The following HS2ST1 variants were observed in gnomAD, a reference collection of about 807,000 sequenced individuals.
The protein encoded by HS2ST1 is 2-O-sulfotransferase.
A neutral mutation model predicts 42.9 loss-of-function variants in HS2ST1; 18 were observed. The observed-to-expected ratio is 0.42, with a 90% CI of 0.29 to 0.62. The LOEUF is 0.62. HS2ST1 is among the 20% of genes least tolerant of loss of function. The probability of loss-of-function intolerance (pLI) is 0.21; values close to 1 mark genes in which losing one functional copy is unlikely to be tolerated. For synonymous variants in HS2ST1, 146 were observed against 152.9 expected (o/e 0.95, Z 0.33); for missense variants, 334 against 433.8 (o/e 0.77, Z 2.04).
rs773847605 is a variant in HS2ST1, at chr1:87,103,555, G to C, written c.810G>C (p.Arg270=). 1.2e-6 allele frequency: 2 copies of C among 1,611,364 alleles called. No individual in the cohort carries two copies. Among genetic ancestry groups the C allele is most frequent in the South Asian group, 2.2e-5 (2 of 90,412 alleles). Residue 270 remains arginine, a synonymous_variant, in exon 6 of 7, where the codon CGG becomes CGC. Transcript: ENST00000370550. ...TGTTATTGGAGGCAGCATTGCCCCG[G>C]TTTTTCAGGGGTGCTACTGAACTCT... The part of the protein sequence containing the change: ...FIMLLEAALP[R]FFRGATELYR...
chr1:87,101,149 GTTTTTTGTTTTTTTTT>G (rs1282694009), intron 5 of HS2ST1, among the ~76,000 whole-genome samples: 40 of 59,536 alleles, frequency 6.7e-4, no homozygotes, highest in South Asian at 2.2e-3. Flanking sequence ...GTGTGTGTGT[GTTTTTTGTTTTTTTTT>G]TTTTTTTTTT....
At chr1:87,016,331 C>A (rs1649757796) in intron 1 of HS2ST1, among the ~76,000 whole-genome samples, 1 of 152,246 alleles carries the variant, frequency 6.6e-6, no homozygotes, top group African/African-American at 2.4e-5. Flanking sequence ...TCTTCACCTC[C>A]CATTAGAAAC....
At chr1:86,916,660 T>G (rs1306955807) in intron 1 of HS2ST1, among the ~76,000 whole-genome samples, 1 of 152,232 alleles carries the variant, frequency 6.6e-6, no homozygotes, top group African/African-American at 2.4e-5. Flanking sequence ...ATGTCCACTT[T>G]AAATATTGAA....
chr1:86,952,268 C>T (rs185102479), intron 1 of HS2ST1, among the ~76,000 whole-genome samples: 105 of 152,292 alleles, frequency 6.9e-4, no homozygotes, highest in African/African-American at 2.4e-3. Context: ...GATAGAATCT[C>T]GCTGTGTTGC....
At chr1:86,955,853 G>A (rs1283884079) in intron 1 of HS2ST1, among the ~76,000 whole-genome samples, 2 of 152,046 alleles carry the variant, frequency 1.3e-5, no homozygotes, top group East Asian at 3.9e-4. Context: ...GTGCATGGGT[G>A]GTGCACGCCT....
At chr1:87,015,383 C>A (rs1175714575) in intron 1 of HS2ST1, among the ~76,000 whole-genome samples, 1 of 138,832 alleles carries the variant, frequency 7.2e-6, no homozygotes, top group East Asian at 2.1e-4. Context: ...AGTCTCGTTC[C>A]GTGGCCCAGG....
chr1:86,997,851 C>T (rs977486523), intron 1 of HS2ST1, among the ~76,000 whole-genome samples: 1 of 152,154 alleles, frequency 6.6e-6, no homozygotes, highest in Non-Finnish European at 1.5e-5. Context: ...CATCACACTA[C>T]TCAAAATAGT....
chr1:86,958,241 A>C (rs1570445870), intron 1 of HS2ST1, among the ~76,000 whole-genome samples: 1 of 152,160 alleles, frequency 6.6e-6, no homozygotes, highest in Non-Finnish European at 1.5e-5. Context: ...TGACTGGAAG[A>C]CTCACCGATA....
chr1:87,022,626 A>G (rs1649981053), intron 1 of HS2ST1, among the ~76,000 whole-genome samples: 1 of 152,072 alleles, frequency 6.6e-6, no homozygotes, highest in Non-Finnish European at 1.5e-5. Flanking sequence ...TGGGCCCTAG[A>G]AGGGTTGCAC....
chr1:87,084,850 C>G (rs999709613), intron 3 of HS2ST1, among the ~76,000 whole-genome samples: 1 of 151,662 alleles, frequency 6.6e-6, no homozygotes, highest in Admixed American at 6.6e-5. Context: ...CTCACTCACT[C>G]ACTCACTCAC....
chr1:86,972,524 T>C (rs1359028849), intron 1 of HS2ST1, among the ~76,000 whole-genome samples: 1 of 152,178 alleles, frequency 6.6e-6, no homozygotes, highest in East Asian at 1.9e-4. Context: ...TATTTTATTA[T>C]TGTTGCTGTT....
intron 1 of HS2ST1, among the ~76,000 whole-genome samples, chr1:87,057,775 C>T (rs1241184174): frequency 2.0e-5 from 3 of 151,482 alleles, no homozygotes; most frequent in Admixed American, 6.6e-5. Context: ...GGCGTGAACC[C>T]GGGAGGCGGA....
intron 1 of HS2ST1, among the ~76,000 whole-genome samples, chr1:86,962,382 G>T (rs1647873235): frequency 6.6e-6 from 1 of 152,056 alleles, no homozygotes; most frequent in Admixed American, 6.5e-5. Context: ...TTTGTACACG[G>T]ATGATTAAGA....
intron 1 of HS2ST1, among the ~76,000 whole-genome samples, chr1:86,973,221 TC>T (rs1260268010): frequency 6.7e-6 from 1 of 148,808 alleles, no homozygotes; most frequent in Non-Finnish European, 1.5e-5. Context: ...AAATTTATGG[TC>T]TTTTTTTTTT....
intron 1 of HS2ST1, among the ~76,000 whole-genome samples, chr1:86,935,925 C>T (rs1391206556): frequency 1.3e-5 from 2 of 152,156 alleles, no homozygotes; most frequent in African/African-American, 4.8e-5. Flanking sequence ...ATCATGACAG[C>T]TTATGAAACC....
chr1:86,949,077 C>A (rs2102183886), intron 1 of HS2ST1, among the ~76,000 whole-genome samples: 1 of 152,166 alleles, frequency 6.6e-6, no homozygotes, highest in Non-Finnish European at 1.5e-5. Context: ...AGGTAGGAAA[C>A]TTTCCTTAAA....
chr1:87,041,614 G>A (rs958362510), intron 1 of HS2ST1, among the ~76,000 whole-genome samples: 8 of 151,948 alleles, frequency 5.3e-5, no homozygotes, highest in East Asian at 1.9e-4. Flanking sequence ...TCAGTTCCTG[G>A]CAACCATCAT....
intron 1 of HS2ST1, among the ~76,000 whole-genome samples, chr1:87,008,684 A>G (rs149132586): frequency 5.7e-4 from 87 of 152,304 alleles, no homozygotes; most frequent in African/African-American, 2.0e-3. Flanking sequence ...AAAGACTTGG[A>G]GTGGGTACAA....
intron 1 of HS2ST1, among the ~76,000 whole-genome samples, chr1:86,990,185 C>T (rs911629640): frequency 6.6e-6 from 1 of 152,124 alleles, no homozygotes; most frequent in African/African-American, 2.4e-5. Context: ...CTCCCATAAA[C>T]AGTGTAAAAG....
Sources: allele counts gnomAD v4.1 joint callset (sites outside exome capture counted in the v4.1 genomes callset), GRCh38; gene constraint gnomAD v4.1.1; transcripts MANE v1.5; gene names NCBI Gene and HGNC (gene_info 2026-07-23, HGNC 2026-07-21).